BRWD1: variants seen among roughly 807,000 people sequenced by gnomAD.
The protein encoded by BRWD1 is bromodomain and WD repeat domain containing 1.
A neutral mutation model predicts 251.2 loss-of-function variants in BRWD1; 82 were observed. That is an observed-to-expected ratio of 0.33 (90% CI 0.27 to 0.39). The LOEUF is 0.39. Among genes scored for constraint, BRWD1 ranks in the 10% least tolerant of loss-of-function variants. BRWD1 has a pLI of 1.00. For synonymous variants in BRWD1, 918 were observed against 902.8 expected (o/e 1.02, Z -0.30); for missense variants, 2,233 against 2,711.6 (o/e 0.82, Z 3.92).
chr21:39,245,555 C>G (rs960121949), intron 21 of BRWD1, among the ~76,000 whole-genome samples: 1 of 151,626 alleles, frequency 6.6e-6, no homozygotes, highest in Non-Finnish European at 1.5e-5. Flanking sequence ...AAACATTACT[C>G]AGTCAGGAAA....
intron 21 of BRWD1, among the ~76,000 whole-genome samples, chr21:39,246,958 G>A (rs143171702): frequency 3.3e-5 from 5 of 151,996 alleles, no homozygotes; most frequent in African/African-American, 1.2e-4. Flanking sequence ...CTCACCTGTA[G>A]CCCCAGCTAC....
intron 13 of BRWD1, among the ~76,000 whole-genome samples, chr21:39,271,019 A>G (rs2035079823): frequency 6.6e-6 from 1 of 152,158 alleles, no homozygotes; most frequent in African/African-American, 2.4e-5. Flanking sequence ...GGAGGGCCAG[A>G]CACGGTGGCT....
At chr21:39,198,445 C>T (rs2146458356) in intron 40 of BRWD1, among the ~76,000 whole-genome samples, 2 of 152,304 alleles carry the variant, frequency 1.3e-5, no homozygotes, top group East Asian at 3.9e-4. Flanking sequence ...ATGTGCCCCT[C>T]TCTGCTTTAT....
At chr21:39,220,383 G>A (rs1266814914) in intron 29 of BRWD1, among the ~76,000 whole-genome samples, 1 of 152,202 alleles carries the variant, frequency 6.6e-6, no homozygotes, top group Non-Finnish European at 1.5e-5. Context: ...CTGCATAAAA[G>A]GGCCTTGCCT....
intron 26 of BRWD1, 55 bp downstream of exon 26, chr21:39,229,257 C>T: frequency 6.9e-7 from 1 of 1,442,458 alleles, no homozygotes; most frequent in Non-Finnish European, 9.6e-7. Flanking sequence ...ATCATTCAAT[C>T]AGCAAAATGG....
At position 39,186,983 on chromosome 21, in the gene BRWD1, G is replaced by A; in HGVS notation, c.*9276C>T. 1 of 1,519,462 alleles carries A rather than the reference G, an allele frequency of 6.6e-7. No homozygotes were observed. Among genetic ancestry groups the A allele is most frequent in the Non-Finnish European group, 8.8e-7 (1 of 1,139,914 alleles). 94.1% of individuals were successfully genotyped at this position (1,519,462 alleles called of 1,614,324 possible). A position where few individuals can be genotyped will look rare whatever the true frequency, so the allele number is the denominator to read the frequency against. ...AGAATGTAACTGCCAGTTTACTTGT[G>A]TACCAATTGTTTTCAGATGCCACTT... On this transcript the variant is annotated 3_prime_UTR_variant, in exon 41 of 41. Transcript: ENST00000342449.
At position 39,228,598 on chromosome 21, in the gene BRWD1, A is replaced by G. The variant is rs777579319; in HGVS notation, c.3126-16T>C. ...ATCATGATATCTAGACAAAAATTTA[A>G]AAAATTGTTAAACTCTCTACATAGC... On this transcript the variant is annotated splice_polypyrimidine_tract_variant and intron_variant, in intron 26 of 40. Transcript: ENST00000342449. 5.3e-6 allele frequency: 8 copies of G among 1,511,050 alleles called. No individual in the cohort carries two copies. Among genetic ancestry groups the G allele is most frequent in the Non-Finnish European group, 6.4e-6 (7 of 1,087,852 alleles). The allele number at this position is 1,511,050 out of a possible 1,614,324, so 93.6% of individuals were successfully genotyped here.
chr21:39,283,206 T>G (rs1299135139), intron 8 of BRWD1, among the ~76,000 whole-genome samples: 2 of 152,238 alleles, frequency 1.3e-5, no homozygotes. Flanking sequence ...TATATAATTC[T>G]CTTTTAAATG....
intron 8 of BRWD1, among the ~76,000 whole-genome samples, chr21:39,281,130 T>C (rs1348396395): frequency 2.6e-5 from 4 of 152,192 alleles, no homozygotes; most frequent in African/African-American, 9.7e-5. Context: ...TTTCTCAAAG[T>C]CATGCGGCAA....
At chr21:39,218,702 C>T in intron 29 of BRWD1, 42 bp from the exon 30 acceptor site, 1 of 1,467,114 alleles carries the variant, frequency 6.8e-7, no homozygotes, top group Non-Finnish European at 9.1e-7. Context: ...GAAAAAAACA[C>T]AAAAAATAAA....
chr21:39,191,526 AAGTGGAAAACTAAAG>A lies in BRWD1; in HGVS notation c.*4718_*4732del. On this transcript the variant is annotated 3_prime_UTR_variant, in exon 41 of 41. Coordinates refer to ENST00000342449, the MANE Select transcript of BRWD1 (RefSeq NM_033656.4). ...TTTAGAACATTAACGATCTTATGTG[AAGTGGAAAACTAAAG>A]ATCTGCTTGACAGGCTCATGTAATT... 1 of 980,270 alleles carries A rather than the reference AAGTGGAAAACTAAAG, an allele frequency of 1.0e-6. No homozygotes were observed. The allele number at this position is 980,270 out of a possible 1,614,324, so 60.7% of individuals were successfully genotyped here.
At chr21:39,247,387 C>A (rs2034232938) in intron 21 of BRWD1, among the ~76,000 whole-genome samples, 1 of 152,110 alleles carries the variant, frequency 6.6e-6, no homozygotes, top group Admixed American at 6.6e-5. Flanking sequence ...TTGAGCATGC[C>A]AAATCCAAAA....
rs2034711455 is a variant in BRWD1 at position 39,260,612 on chromosome 21, G to GA, written c.1886-1941dup. Among the ~76,000 whole-genome samples, 7 of 152,242 alleles carry GA rather than the reference G, an allele frequency of 4.6e-5. No individual in the cohort carries two copies. In the South Asian group the frequency reaches 1.2e-3, roughly 27 times the overall value. On this transcript the variant is annotated intron_variant, in intron 17 of 40. Transcript: ENST00000342449. The stretch of plus-strand genomic sequence containing the variant: ...TCTGCCATAAACAACTACAATACTG[G>GA]AAAAAATATATGTAAAACAAAAGCT...
intron 18 of BRWD1, among the ~76,000 whole-genome samples, 161 bp downstream of exon 18, chr21:39,258,326 T>G (rs867140312): frequency 6.6e-6 from 1 of 152,338 alleles, no homozygotes. Context: ...GTTACTACAT[T>G]ATCTCACACC....
chr21:39,293,083 T>G (rs1021491626), intron 8 of BRWD1, among the ~76,000 whole-genome samples: 7 of 152,216 alleles, frequency 4.6e-5, no homozygotes, highest in Admixed American at 4.6e-4. Flanking sequence ...ATGAAGCAGT[T>G]AGGAAAGAAT....
upstream of BRWD1, chr21:39,313,857 T>G: frequency 3.0e-6 from 1 of 333,452 alleles, no homozygotes; most frequent in Non-Finnish European, 5.6e-6. Flanking sequence ...GGAGGGCGCG[T>G]GGTCCGAATC....
intron 8 of BRWD1, among the ~76,000 whole-genome samples, chr21:39,282,534 CT>C (rs1425131200): frequency 5.3e-5 from 8 of 152,058 alleles, no homozygotes; most frequent in Non-Finnish European, 1.5e-5. Context: ...TATTCCTTTG[CT>C]TTCTTAATAA....
chr21:39,188,909 G>A lies in BRWD1; in HGVS notation c.*7350C>T. ...GCATTGTAAATGGCATTTTACCAGA[G>A]TAAGACACTCATCACGGCATTACTC... On this transcript the variant is annotated 3_prime_UTR_variant, in exon 41 of 41. Coordinates refer to ENST00000342449, the MANE Select transcript of BRWD1 (RefSeq NM_033656.4). 3 of 985,374 alleles carry A rather than the reference G, an allele frequency of 3.0e-6. No homozygotes were observed. Among genetic ancestry groups the A allele is most frequent in the Non-Finnish European group, 2.4e-6 (2 of 829,920 alleles). 61.0% of individuals were successfully genotyped at this position (985,374 alleles called of 1,614,324 possible).
At chr21:39,263,814 T>C (rs533966457) in intron 17 of BRWD1, among the ~76,000 whole-genome samples, 2 of 152,288 alleles carry the variant, frequency 1.3e-5, no homozygotes, top group South Asian at 2.1e-4. Context: ...AGAAAAATAC[T>C]AAGTTTATAG....
Sources: allele counts gnomAD v4.1 joint callset (sites outside exome capture counted in the v4.1 genomes callset), GRCh38; gene constraint gnomAD v4.1.1; transcripts MANE v1.5; gene names NCBI Gene and HGNC (gene_info 2026-07-23, HGNC 2026-07-21).